The following DLGAP2 variants were observed in gnomAD, a reference collection of about 807,000 sequenced individuals.
DLGAP2 encodes DLG associated protein 2, also known as disks large-associated protein 2.
In DLGAP2, 26 loss-of-function variants were observed where a neutral mutation model predicts 100.3. The ratio of observed to expected loss-of-function variants is 0.26; its 90% CI spans 0.19 to 0.36. The LOEUF is 0.36. Ranked by LOEUF, DLGAP2 falls within the 10% of genes least tolerant of loss-of-function variation. The pLI, the probability that DLGAP2 is intolerant of heterozygous loss-of-function variation, is 1.00. For synonymous variants in DLGAP2, 886 were observed against 630.1 expected, an observed-to-expected ratio of 1.41 and a Z score of -6.08; for missense variants, 1,858 against 1,453.2, an observed-to-expected ratio of 1.28 and a Z score of -4.53.
chr8:1,388,228 G>A (rs34267685), intron 3 of DLGAP2, among the ~76,000 whole-genome samples: 10 of 122,924 alleles, frequency 8.1e-5, no homozygotes, highest in Admixed American at 2.6e-4. Flanking sequence ...CGCTGGTTCA[G>A]GTGTCAGGGC....
At chr8:846,179 T>C (rs1182158741) in intron 1 of DLGAP2, among the ~76,000 whole-genome samples, 1 of 152,226 alleles carries the variant, frequency 6.6e-6, no homozygotes, top group Non-Finnish European at 1.5e-5. Flanking sequence ...TTGAAATAAA[T>C]AATACATTAT....
chr8:1,578,220 C>T lies in DLGAP2; in HGVS notation c.1442+12326C>T, dbSNP rs141282604. Among the ~76,000 whole-genome samples, 266 of 152,324 alleles carry T rather than the reference C, an allele frequency of 1.7e-3. 1 individual carries two copies. Among genetic ancestry groups the T allele is most frequent in the African/African-American group, 6.0e-3 (250 of 41,574 alleles). On this transcript the variant is annotated intron_variant, in intron 6 of 14. Coordinates refer to ENST00000637795, the MANE Select transcript of DLGAP2 (RefSeq NM_001346810.2). ...ATGATAATGAATGTTTGCTTGTCTC[C>T]ATGAGGCTTTTATTCTCCTCTTGGT... is the stretch of plus-strand genomic sequence containing the variant.
chr8:791,481 C>T (rs1356963246), intron 1 of DLGAP2, among the ~76,000 whole-genome samples: 2 of 152,206 alleles, frequency 1.3e-5, no homozygotes, highest in Non-Finnish European at 2.9e-5. Flanking sequence ...TTCCTATCCT[C>T]CCCACTTGTA....
intron 3 of DLGAP2, among the ~76,000 whole-genome samples, chr8:1,432,139 G>A (rs1354601952): frequency 6.6e-6 from 1 of 152,202 alleles, no homozygotes; most frequent in African/African-American, 2.4e-5. Flanking sequence ...ATCATTCGGG[G>A]CTAGTTCCAC....
chr8:1,442,775 A>G (rs1797874687), intron 3 of DLGAP2, among the ~76,000 whole-genome samples: 1 of 148,514 alleles, frequency 6.7e-6, no homozygotes, highest in Non-Finnish European at 1.5e-5. Flanking sequence ...ATCCGGGCAT[A>G]GACCCACCAG....
intron 6 of DLGAP2, among the ~76,000 whole-genome samples, chr8:1,572,215 C>G (rs1250739279): frequency 1.2e-5 from 1 of 84,340 alleles, no homozygotes; most frequent in Non-Finnish European, 2.2e-5. Context: ...ACTGTGGGGG[C>G]ATCTGATGAG....
intron 2 of DLGAP2, among the ~76,000 whole-genome samples, chr8:911,601 T>C (rs1253637237): frequency 6.6e-6 from 1 of 152,020 alleles, no homozygotes; most frequent in Non-Finnish European, 1.5e-5. Context: ...GTTGGAAGGA[T>C]GCTGGAGAAT....
Position 905,722 on chromosome 8 carries a change from G to T in DLGAP2, c.19-2190G>T, listed in dbSNP as rs1347901762. ...GGTGGTCACGGGAGCTGCGGCATTT[G>T]AGGGGGGCGCCAGCTCCCATGGAGG... On this transcript the variant is annotated intron_variant, in intron 1 of 14. Coordinates refer to ENST00000637795, the MANE Select transcript of DLGAP2 (RefSeq NM_001346810.2). 3.3e-5 allele frequency among the ~76,000 whole-genome samples: 5 copies of T among 152,120 alleles called. No individual in the cohort carries two copies. In the East Asian group the frequency reaches 9.7e-4, roughly 30 times the overall value.
chr8:1,049,665 A>G (rs1279341155), intron 2 of DLGAP2, among the ~76,000 whole-genome samples: 1 of 152,104 alleles, frequency 6.6e-6, no homozygotes, highest in African/African-American at 2.4e-5. Context: ...AAGCAGAGAC[A>G]TCCTTCCATG....
intron 3 of DLGAP2, among the ~76,000 whole-genome samples, chr8:1,497,218 A>C (rs1799574724): frequency 6.6e-6 from 1 of 152,218 alleles, no homozygotes; most frequent in Non-Finnish European, 1.5e-5. Flanking sequence ...TCTCAGTCAA[A>C]GGCACGTTTT....
At chr8:1,333,545 C>G (rs1801205788) in intron 3 of DLGAP2, among the ~76,000 whole-genome samples, 1 of 152,176 alleles carries the variant, frequency 6.6e-6, no homozygotes, top group Non-Finnish European at 1.5e-5. Context: ...GTCCTGTGTG[C>G]AGGGTTTGTT....
intron 3 of DLGAP2, among the ~76,000 whole-genome samples, chr8:1,418,749 C>T (rs1462604960): frequency 3.9e-5 from 6 of 152,176 alleles, no homozygotes; most frequent in African/African-American, 1.4e-4. Flanking sequence ...ACCAACTGGG[C>T]GTCCTCTAAT....
chr8:917,109 T>A (rs1798609897), intron 2 of DLGAP2, among the ~76,000 whole-genome samples: 1 of 152,174 alleles, frequency 6.6e-6, no homozygotes, highest in African/African-American at 2.4e-5. Context: ...GCACATACAT[T>A]TTCAGGAGTG....
intron 6 of DLGAP2, among the ~76,000 whole-genome samples, chr8:1,575,032 AG>A (rs1343586776): frequency 1.3e-5 from 2 of 152,222 alleles, no homozygotes; most frequent in African/African-American, 4.8e-5. Flanking sequence ...GAGGCAAGCG[AG>A]GGAGAAACGC....
At chr8:1,687,931 A>G (rs1799156815) in intron 12 of DLGAP2, among the ~76,000 whole-genome samples, 1 of 152,230 alleles carries the variant, frequency 6.6e-6, no homozygotes, top group South Asian at 2.1e-4. Flanking sequence ...GTTTTAGAAT[A>G]CAAAAGAAAT....
Position 1,130,888 on chromosome 8 carries a change from G to A in DLGAP2, c.74-127963G>A, listed in dbSNP as rs184228629. Among the ~76,000 whole-genome samples the A allele has an allele frequency of 5.1e-5, 7 of 138,230 alleles. No individual in the cohort carries two copies. The East Asian group carries it at 7.9e-4, about 16-fold the overall frequency. 90.7% of individuals were successfully genotyped at this position (138,230 alleles called of 152,430 possible). On this transcript the variant is annotated intron_variant, in intron 2 of 14. Coordinates refer to ENST00000637795, the MANE Select transcript of DLGAP2 (RefSeq NM_001346810.2). ...CTCTTCATAGCATGACCCCTAGCTC[G>A]GCAGCGGCTGGGCTGAGAGACCGGA...
At chr8:987,259 G>C (rs1375795802) in intron 2 of DLGAP2, among the ~76,000 whole-genome samples, 1 of 152,152 alleles carries the variant, frequency 6.6e-6, no homozygotes, top group Non-Finnish European at 1.5e-5. Context: ...GAGATGGTCA[G>C]TCACCATGTC....
chr8:1,514,877 C>A (rs1292527440), intron 4 of DLGAP2, among the ~76,000 whole-genome samples: 1 of 152,160 alleles, frequency 6.6e-6, no homozygotes, highest in East Asian at 1.9e-4. Context: ...CATGGCAGGA[C>A]CCCGGGGAGA....
chr8:1,578,427 C>G (rs1223004718), intron 6 of DLGAP2, among the ~76,000 whole-genome samples: 2 of 152,178 alleles, frequency 1.3e-5, no homozygotes, highest in African/African-American at 4.8e-5. Context: ...CTGTGCCGTC[C>G]CGTGAGATGG....
Sources: gnomAD v4.1 joint callset for allele counts (sites outside exome capture counted in the v4.1 genomes callset) on GRCh38, gnomAD v4.1.1 for gene constraint, MANE v1.5 for transcripts, NCBI Gene and HGNC (gene_info 2026-07-23, HGNC 2026-07-21) for gene names.